Variants in MAN2B2 observed in about 807,000 individuals in gnomAD.
MAN2B2 encodes the protein mannosidase alpha class 2B member 2, also known as epididymis-specific alpha-mannosidase.
In MAN2B2, 106 loss-of-function variants were observed where a neutral mutation model predicts 117.1. The observed-to-expected ratio is 0.90, with a 90% CI of 0.77 to 1.06. MAN2B2 has a LOEUF of 1.06. Among genes scored for constraint, MAN2B2 ranks in the 50% least tolerant of loss-of-function variants. The pLI is 0.00. For missense variants in MAN2B2, 1,326 were observed against 1,381.4 expected, an observed-to-expected ratio of 0.96 and a Z score of 0.64; for synonymous variants, 544 against 595.1, an observed-to-expected ratio of 0.91 and a Z score of 1.25.
At chr4:6,598,150 G>C in intron 8 of MAN2B2, 48 bp from the exon 9 acceptor site, 1 of 1,584,046 alleles carries the variant, frequency 6.3e-7, no homozygotes, top group Non-Finnish European at 8.6e-7. Flanking sequence ...GTGCTTTGCA[G>C]AGTCAGGTCC....
At chr4:6,579,336 A>AT (rs1441090287) in intron 3 of MAN2B2, among the ~76,000 whole-genome samples, 1 of 128,148 alleles carries the variant, frequency 7.8e-6, no homozygotes, top group Non-Finnish European at 1.7e-5. Flanking sequence ...CACCACCACC[A>AT]CCACCATCAC....
chr4:6,575,894 G>A (rs867221983), intron 1 of MAN2B2, among the ~76,000 whole-genome samples: 26 of 152,346 alleles, frequency 1.7e-4, no homozygotes, highest in Admixed American at 8.5e-4. Context: ...ACTACAGCCA[G>A]TTTCCAGAGG....
At chr4:6,613,723 G>A (rs1220378092) in intron 15 of MAN2B2, among the ~76,000 whole-genome samples, 1 of 142,332 alleles carries the variant, frequency 7.0e-6, no homozygotes, top group African/African-American at 2.6e-5. Context: ...GGAGGGGAAG[G>A]GAAGGGAACG....
Position 6,576,661 on chromosome 4 carries a change from T to C in MAN2B2, c.222T>C (p.Ala74=). 1 of 1,614,030 alleles carries C rather than the reference T, an allele frequency of 6.2e-7. No individual in the cohort carries two copies. Among genetic ancestry groups the C allele is most frequent in the Non-Finnish European group, 8.5e-7 (1 of 1,180,018 alleles). ...GCGGCCAGCAGCGCCGGTTCATCGC[T>C]GTGGAGCAGGAGTTTTTCCGGCTGT... The part of the protein sequence containing the change: ...LARGQQRRFI[A]VEQEFFRLWW... The change falls in exon 2 of 19, where the codon GCT becomes GCC. Residue 74 remains alanine (A), a synonymous_variant. Transcript: ENST00000285599.
chr4:6,580,246 T>C (rs534941785), intron 3 of MAN2B2, among the ~76,000 whole-genome samples: 2 of 152,306 alleles, frequency 1.3e-5, no homozygotes, highest in African/African-American at 4.8e-5. Context: ...GCTCCTCCTG[T>C]GGCCAGGAGC....
intron 3 of MAN2B2, among the ~76,000 whole-genome samples, chr4:6,579,316 CCAT>C (rs1577270224): frequency 1.4e-4 from 11 of 80,418 alleles, no homozygotes; most frequent in South Asian, 5.0e-4. Flanking sequence ...ACCACCACCA[CCAT>C]CACCACCACC....
At chr4:6,616,881 A>G (rs1577297876) in intron 16 of MAN2B2, among the ~76,000 whole-genome samples, 1 of 152,144 alleles carries the variant, frequency 6.6e-6, no homozygotes. Context: ...AGTGGGGGCC[A>G]TGTCAGCTGT....
rs555357116 is a variant in MAN2B2 at position 6,588,911 on chromosome 4, G to A, written c.565-134G>A. 1.1e-4 allele frequency: 71 copies of A among 649,062 alleles called. No individual in the cohort carries two copies. In the African/African-American group the frequency reaches 1.2e-3, roughly 11 times the overall value. 40.2% of individuals were successfully genotyped at this position (649,062 alleles called of 1,614,324 possible). ...ACCAGTCTTAGACGGAAACGGCAGG[G>A]GAGAGCTCATCCTTGAACCACTGAG... On this transcript the variant is annotated intron_variant, in intron 4 of 18. Coordinates refer to ENST00000285599, the MANE Select transcript of MAN2B2 (RefSeq NM_015274.3).
At position 6,610,055 on chromosome 4, in the gene MAN2B2, G is replaced by A; in HGVS notation, c.2259+5G>A. 1 of 1,613,880 alleles carries A rather than the reference G, an allele frequency of 6.2e-7. No homozygotes were observed. The highest frequency in any genetic ancestry group is 8.5e-7 in the Non-Finnish European group (1 of 1,179,832). ...GTGAACAACAGCATCGCCCGGGTAT[G>A]TCCTGCAATGCCCACAAGGCACGCT... is the stretch of plus-strand genomic sequence containing the variant. On this transcript the variant is annotated splice_donor_5th_base_variant and intron_variant, in intron 13 of 18. Transcript: ENST00000285599.
At chr4:6,588,246 G>C (rs1386434342) in intron 4 of MAN2B2, among the ~76,000 whole-genome samples, 3 of 152,194 alleles carry the variant, frequency 2.0e-5, no homozygotes, top group Non-Finnish European at 4.4e-5. Context: ...GAAGGTGTGA[G>C]GGAAGGGGCT....
rs1727672771 is a variant in MAN2B2, at chr4:6,609,312, G to A, written c.2006+14G>A. On this transcript the variant is annotated intron_variant, in intron 12 of 18. Transcript: ENST00000285599. ...GTACTTCTACAGGTGCTTCCCCTGG[G>A]GTGACCCCCACAGCCCGGCACACAG... 1.9e-6 allele frequency: 3 copies of A among 1,610,824 alleles called. No individual in the cohort carries two copies. Among genetic ancestry groups the A allele is most frequent in the Admixed American group, 3.3e-5 (2 of 59,860 alleles).
chr4:6,576,973 C>T (rs925500197), intron 2 of MAN2B2, among the ~76,000 whole-genome samples: 25 of 152,242 alleles, frequency 1.6e-4, no homozygotes, highest in Admixed American at 1.4e-3. Context: ...CTCTGGCAAC[C>T]CAGCTGTGCA....
At chr4:6,619,657 C>T in intron 17 of MAN2B2, 1 of 371,358 alleles carries the variant, frequency 2.7e-6, no homozygotes, top group Non-Finnish European at 5.0e-6. Flanking sequence ...GCTCAAAATG[C>T]CACACCTCCC....
chr4:6,586,080 A>C (rs1726623662), intron 3 of MAN2B2, among the ~76,000 whole-genome samples: 3 of 147,404 alleles, frequency 2.0e-5, no homozygotes, highest in African/African-American at 2.6e-5. Flanking sequence ...ACAGAGTCTC[A>C]CTCTGTCACC....
chr4:6,602,692 CAA>C (rs1371024808), intron 10 of MAN2B2, among the ~76,000 whole-genome samples: 4 of 138,654 alleles, frequency 2.9e-5, no homozygotes, highest in South Asian at 2.3e-4. Context: ...TTTTTTGAGA[CAA>C]AGTCTCACCC....
chr4:6,589,223 C>A, intron 5 of MAN2B2, 63 bp downstream of exon 5: 1 of 1,273,778 alleles, frequency 7.9e-7, no homozygotes, highest in Non-Finnish European at 1.1e-6. Context: ...GCCCCTGCAG[C>A]TGTTCTGCAG....
rs773607740 is a variant in MAN2B2, at chr4:6,598,289, G to A, written c.1340G>A (p.Arg447His). 8.1e-6 allele frequency: 13 copies of A among 1,613,484 alleles called. No homozygotes were observed. The Admixed American group carries it at 8.3e-5, about 10-fold the overall frequency. The change falls in exon 9 of 19, where the codon CGC becomes CAC. Residue 447 changes from arginine to histidine, a missense_variant. Coordinates refer to ENST00000285599, the MANE Select transcript of MAN2B2 (RefSeq NM_015274.3). ...THLASGMLGM[R>H]KLMASIVLDE... ...CTGGCCTCGGGGATGCTGGGCATGC[G>A]CAAGCTGATGGCCTCCATCGTCCTA...
At chr4:6,611,708 C>T (rs991159068) in intron 15 of MAN2B2, among the ~76,000 whole-genome samples, 2 of 152,168 alleles carry the variant, frequency 1.3e-5, no homozygotes, top group Admixed American at 6.5e-5. Context: ...GCAGGAGAAT[C>T]GCTTGAACCC....
At chr4:6,601,274 C>T (rs1727317670) in intron 10 of MAN2B2, among the ~76,000 whole-genome samples, 3 of 152,122 alleles carry the variant, frequency 2.0e-5, no homozygotes, top group East Asian at 1.9e-4. Context: ...GAGGCTGAAG[C>T]GGGTGGATCA....
Sources: allele counts gnomAD v4.1 joint callset (sites outside exome capture counted in the v4.1 genomes callset), GRCh38; gene constraint gnomAD v4.1.1; transcripts MANE v1.5; gene names NCBI Gene and HGNC (gene_info 2026-07-23, HGNC 2026-07-21).